Variants in SMOC2 observed in about 807,000 individuals in gnomAD.
SMOC2 encodes the protein SPARC related modular calcium binding 2.
A neutral mutation model predicts 61.4 loss-of-function variants in SMOC2; 39 were observed. The ratio of observed to expected loss-of-function variants is 0.64; its 90% CI spans 0.49 to 0.83. The LOEUF (loss-of-function observed/expected upper bound fraction) is 0.83, where lower values mean the gene tolerates loss of function less well. Among genes scored for constraint, SMOC2 ranks in the 40% least tolerant of loss-of-function variants. The pLI is 0.00. For missense variants in SMOC2, 556 were observed against 592.9 expected (o/e 0.94, Z 0.65); for synonymous variants, 247 against 239.9 (o/e 1.03, Z -0.27).
chr6:168,464,217 GGA>G, intron 1 of SMOC2, among the ~76,000 whole-genome samples: 2 of 148,872 alleles, frequency 1.3e-5, no homozygotes, highest in African/African-American at 5.0e-5. Context: ...AAGGAAGAAA[GGA>G]AGGAAGGAAG....
At chr6:168,596,465 C>T (rs1785338638) in intron 7 of SMOC2, among the ~76,000 whole-genome samples, 3 of 142,138 alleles carry the variant, frequency 2.1e-5, no homozygotes, top group African/African-American at 8.2e-5. Context: ...CACGTGAACA[C>T]GGCAGTGCTA....
intron 2 of SMOC2, among the ~76,000 whole-genome samples, chr6:168,521,934 A>G (rs368247089): frequency 1.8e-4 from 27 of 152,252 alleles, no homozygotes; most frequent in Middle Eastern, 6.8e-3. Context: ...CTTTCTTTAT[A>G]AAGTCCCGGC....
At chr6:168,588,953 C>T (rs914401206) in intron 7 of SMOC2, among the ~76,000 whole-genome samples, 1 of 143,514 alleles carries the variant, frequency 7.0e-6, no homozygotes. Flanking sequence ...GGTGGTGTGT[C>T]CCTGTAGTCT....
intron 1 of SMOC2, among the ~76,000 whole-genome samples, chr6:168,483,348 T>C (rs1179694635): frequency 1.3e-5 from 2 of 152,018 alleles, no homozygotes; most frequent in Non-Finnish European, 2.9e-5. Flanking sequence ...CAAAATAATA[T>C]TAAAAAGTAA....
chr6:168,611,551 G>C, intron 9 of SMOC2, among the ~76,000 whole-genome samples: 1 of 68,384 alleles, frequency 1.5e-5, no homozygotes, highest in Non-Finnish European at 2.9e-5. Flanking sequence ...TGGTTCCCAT[G>C]TCCGGGACCC....
At chr6:168,540,946 C>T (rs1783864977) in intron 4 of SMOC2, among the ~76,000 whole-genome samples, 1 of 152,270 alleles carries the variant, frequency 6.6e-6, no homozygotes, top group Admixed American at 6.5e-5. Flanking sequence ...GGAAGGGCGT[C>T]TGGAAGGAGC....
rs544485753 is a variant in SMOC2 at position 168,570,756 on chromosome 6, T to G, written c.637+21553T>G. Among the ~76,000 whole-genome samples the G allele has an allele frequency of 2.6e-5, 4 of 152,368 alleles. No individual in the cohort carries two copies. The East Asian group carries it at 7.7e-4, about 29-fold the overall frequency. On this transcript the variant is annotated intron_variant, in intron 7 of 12. Transcript: ENST00000356284. Reference sequence around the variant, plus strand: ...GGAAGAATTGAAGATAACGTAACTTTAATGACTAAGAAGCGTATTTTAAGC... The same window carrying G: ...GGAAGAATTGAAGATAACGTAACTTGAATGACTAAGAAGCGTATTTTAAGC...
chr6:168,607,341 G>A (rs1785725320), intron 8 of SMOC2, among the ~76,000 whole-genome samples: 1 of 152,190 alleles, frequency 6.6e-6, no homozygotes, highest in African/African-American at 2.4e-5. Flanking sequence ...GCAGGCCTTG[G>A]TCAAGGGCTG....
At position 168,441,936 on chromosome 6, in the gene SMOC2, G is replaced by C. The variant is rs565603456; in HGVS notation, c.84+482G>C. On this transcript the variant is annotated intron_variant, in intron 1 of 12. Transcript: ENST00000356284. ...CCCGCCGGGACTGGGCGCCCACCTC[G>C]CCCACGGGGACCCGGCCTGGAGCGT... 9.2e-4 allele frequency among the ~76,000 whole-genome samples: 140 copies of C among 152,212 alleles called. 1 individual carries two copies. Among genetic ancestry groups the C allele is most frequent in the Middle Eastern group, 6.8e-3 (2 of 292 alleles).
At chr6:168,523,451 G>A (rs553536157) in intron 2 of SMOC2, among the ~76,000 whole-genome samples, 46 of 149,768 alleles carry the variant, frequency 3.1e-4, no homozygotes, top group Middle Eastern at 3.5e-3. Flanking sequence ...GCAGTGGTGC[G>A]ATCTCAGCTC....
chr6:168,653,185 C>T lies in SMOC2; in HGVS notation c.1242C>T (p.Gly414=), dbSNP rs76160670. ...TACAAGAACTGATGGGCTGCCTGGG[C>T]GTGGCGAAAGAGGACGGCAAAGCGG... ...ISVQELMGCL[G]VAKEDGKADT... The change falls in exon 11 of 13, where the codon GGC becomes GGT. Residue 414 remains glycine, a synonymous_variant. Coordinates refer to ENST00000356284, the MANE Select transcript of SMOC2 (RefSeq NM_001166412.2). 9.1e-4 allele frequency: 1,467 copies of T among 1,614,068 alleles called. 10 individuals carry two copies. The African/African-American group carries it at 0.017, about 19-fold the overall frequency.
rs1176519356 is a variant in SMOC2 at position 168,527,678 on chromosome 6, G to A, written c.414G>A (p.Gly138=). The A allele has an allele frequency of 6.4e-7, 1 of 1,552,686 alleles. No homozygotes were observed. Among genetic ancestry groups the A allele is most frequent in the Admixed American group, 2.0e-5 (1 of 51,266 alleles). ...ACTGCTGGTGCGTCACGCCCAACGGGAGGCCCATCAGCGGCACTGCCGTGG... is the reference window on the plus strand; with the variant it reads ...ACTGCTGGTGCGTCACGCCCAACGGAAGGCCCATCAGCGGCACTGCCGTGG... The part of the protein sequence containing the change: ...TGYCWCVTPN[G]RPISGTAVAH... The change falls in exon 4 of 13, where the codon GGG becomes GGA. Residue 138 remains glycine (G), a synonymous_variant. Coordinates refer to ENST00000356284, the MANE Select transcript of SMOC2 (RefSeq NM_001166412.2).
At chr6:168,610,618 A>G (rs141029686) in intron 9 of SMOC2, among the ~76,000 whole-genome samples, 2,769 of 152,284 alleles carry the variant, frequency 0.018, 86 homozygotes, top group African/African-American at 0.063. Context: ...TCTATTTTCC[A>G]TGTAAAGCTG....
At position 168,592,631 on chromosome 6, in the gene SMOC2, G is replaced by A. The variant is rs1230687981; in HGVS notation, c.638-6187G>A. 1.1e-4 allele frequency among the ~76,000 whole-genome samples: 14 copies of A among 132,944 alleles called. 1 individual carries two copies. Among genetic ancestry groups the A allele is most frequent in the Non-Finnish European group, 1.7e-4 (11 of 62,932 alleles). 87.2% of individuals were successfully genotyped at this position (132,944 alleles called of 152,430 possible). On this transcript the variant is annotated intron_variant, in intron 7 of 12. Coordinates refer to ENST00000356284, the MANE Select transcript of SMOC2 (RefSeq NM_001166412.2). ...TCCTCCTCCTTCCTGAGGCTTCACG[G>A]GCATCTTTCTAGAGGATCGCTGAGC...
At chr6:168,473,229 A>G (rs1462980544) in intron 1 of SMOC2, among the ~76,000 whole-genome samples, 1 of 152,130 alleles carries the variant, frequency 6.6e-6, no homozygotes, top group African/African-American at 2.4e-5. Flanking sequence ...TGCCTGGAGC[A>G]GGGTGGCCAG....
At chr6:168,450,057 AAG>A (rs1207545575) in intron 1 of SMOC2, among the ~76,000 whole-genome samples, 1 of 152,140 alleles carries the variant, frequency 6.6e-6, no homozygotes, top group African/African-American at 2.4e-5. Flanking sequence ...GAGGAGGAGA[AAG>A]AGAAGAGAGA....
intron 1 of SMOC2, among the ~76,000 whole-genome samples, chr6:168,495,268 C>T (rs547989449): frequency 3.3e-5 from 5 of 152,090 alleles, no homozygotes; most frequent in Admixed American, 1.3e-4. Flanking sequence ...GGTCCCTCTG[C>T]GGGTCCACCC....
chr6:168,650,845 A>C, intron 10 of SMOC2, 62 bp downstream of exon 10: 8 of 1,477,608 alleles, frequency 5.4e-6, no homozygotes, highest in Non-Finnish European at 7.4e-6. Context: ...GGGAATCTGG[A>C]AAGTCTGAAC....
At chr6:168,447,153 G>A (rs1212661039) in intron 1 of SMOC2, among the ~76,000 whole-genome samples, 5 of 152,100 alleles carry the variant, frequency 3.3e-5, no homozygotes, top group Non-Finnish European at 2.9e-5. Flanking sequence ...TGTAACCTCT[G>A]CCTCCTGGGC....
Sources: allele counts gnomAD v4.1 joint callset (sites outside exome capture counted in the v4.1 genomes callset), GRCh38; gene constraint gnomAD v4.1.1; transcripts MANE v1.5; gene names NCBI Gene and HGNC (gene_info 2026-07-23, HGNC 2026-07-21).